The following LSAMP variants were observed in gnomAD, a reference collection of about 807,000 sequenced individuals.
The protein encoded by LSAMP is limbic system associated membrane protein.
In LSAMP, 7 loss-of-function variants were observed where a neutral mutation model predicts 38.6. The observed-to-expected ratio is 0.18, with a 90% CI of 0.10 to 0.34. The LOEUF (loss-of-function observed/expected upper bound fraction) is 0.34, where lower values mean the gene tolerates loss of function less well. LSAMP is among the 10% of genes least tolerant of loss of function. The pLI is 1.00. For synonymous variants in LSAMP, 154 were observed against 166.8 expected, an observed-to-expected ratio of 0.92 and a Z score of 0.59; for missense variants, 313 against 420.0, an observed-to-expected ratio of 0.75 and a Z score of 2.23.
intron 3 of LSAMP, among the ~76,000 whole-genome samples, chr3:115,944,248 T>C (rs916083791): frequency 6.6e-6 from 1 of 152,142 alleles, no homozygotes; most frequent in Non-Finnish European, 1.5e-5. Flanking sequence ...AAGTGAGGTA[T>C]TAGCTCTCAT....
intron 3 of LSAMP, among the ~76,000 whole-genome samples, chr3:115,905,097 CTT>C (rs1357040767): frequency 6.6e-6 from 1 of 152,072 alleles, no homozygotes; most frequent in Non-Finnish European, 1.5e-5. Context: ...ATAAAATGCT[CTT>C]TTGCACAGCT....
intron 3 of LSAMP, among the ~76,000 whole-genome samples, chr3:115,958,772 G>C (rs1044671438): frequency 1.3e-5 from 2 of 152,080 alleles, no homozygotes; most frequent in African/African-American, 4.8e-5. Context: ...TAGATGTAAA[G>C]GCTGTTTTTC....
At chr3:116,106,046 G>T (rs1708459404) in intron 1 of LSAMP, among the ~76,000 whole-genome samples, 1 of 152,058 alleles carries the variant, frequency 6.6e-6, no homozygotes, top group African/African-American at 2.4e-5. Flanking sequence ...TGATGGCCTG[G>T]ATACGGTTTT....
chr3:115,987,076 G>A (rs1939529843), intron 3 of LSAMP, among the ~76,000 whole-genome samples: 2 of 152,170 alleles, frequency 1.3e-5, no homozygotes, highest in African/African-American at 2.4e-5. Context: ...GAAGGGGACA[G>A]TATGCTATGT....
chr3:115,881,775 T>C (rs1374419978), intron 3 of LSAMP, among the ~76,000 whole-genome samples: 1 of 152,130 alleles, frequency 6.6e-6, no homozygotes, highest in Non-Finnish European at 1.5e-5. Context: ...TCAGATTGGG[T>C]CATACCCATC....
At chr3:116,270,512 A>C (rs1270134017) in intron 1 of LSAMP, among the ~76,000 whole-genome samples, 1 of 152,162 alleles carries the variant, frequency 6.6e-6, no homozygotes. Context: ...GGCCATCAGC[A>C]GTAGCCTCGG....
chr3:116,258,020 G>A (rs1054249689), intron 1 of LSAMP, among the ~76,000 whole-genome samples: 1 of 152,136 alleles, frequency 6.6e-6, no homozygotes. Context: ...CAATTATCAG[G>A]TAAAATAGGA....
chr3:116,320,545 T>A (rs1284568938), intron 1 of LSAMP, among the ~76,000 whole-genome samples: 1 of 152,224 alleles, frequency 6.6e-6, no homozygotes, highest in Non-Finnish European at 1.5e-5. Context: ...TAGGGTGTTG[T>A]ACCATATAGC....
intron 3 of LSAMP, among the ~76,000 whole-genome samples, chr3:115,852,940 A>G (rs898036631): frequency 6.6e-6 from 1 of 152,174 alleles, no homozygotes; most frequent in African/African-American, 2.4e-5. Context: ...GCCTGAGGAC[A>G]GCTCATGTCC....
intron 6 of LSAMP, among the ~76,000 whole-genome samples, chr3:115,822,608 C>T (rs888966531): frequency 2.0e-5 from 3 of 152,164 alleles, no homozygotes; most frequent in African/African-American, 7.2e-5. Context: ...GATCTGCCCG[C>T]CTTGGCCTCC....
chr3:116,313,760 C>A (rs2047589754), intron 1 of LSAMP, among the ~76,000 whole-genome samples: 1 of 152,182 alleles, frequency 6.6e-6, no homozygotes, highest in African/African-American at 2.4e-5. Context: ...TTGAGACCAG[C>A]CTGGCCAGCA....
intron 3 of LSAMP, among the ~76,000 whole-genome samples, chr3:115,911,835 C>T (rs1194754936): frequency 6.6e-6 from 1 of 152,200 alleles, no homozygotes; most frequent in Non-Finnish European, 1.5e-5. Context: ...TCACATCCTT[C>T]TCATCATTTG....
chr3:116,225,061 G>A (rs990970903), intron 1 of LSAMP, among the ~76,000 whole-genome samples: 2 of 152,140 alleles, frequency 1.3e-5, no homozygotes, highest in African/African-American at 4.8e-5. Flanking sequence ...CAGATATGAA[G>A]GGACATTTGA....
At position 116,109,094 on chromosome 3, in the gene LSAMP, A is replaced by T. The variant is rs1281668424; in HGVS notation, c.156-22538T>A. On this transcript the variant is annotated intron_variant, in intron 1 of 6. Coordinates refer to ENST00000490035, the MANE Select transcript of LSAMP (RefSeq NM_002338.5). Reference sequence around the variant, plus strand: ...GTAAAGCATCTCAGGGTTGCTGCCAAACGAGTCATGAACTGGGCTGGGTTT... The same window carrying T: ...GTAAAGCATCTCAGGGTTGCTGCCATACGAGTCATGAACTGGGCTGGGTTT... Among the ~76,000 whole-genome samples, 6 of 152,292 alleles carry T rather than the reference A, an allele frequency of 3.9e-5. No individual in the cohort carries two copies. The East Asian group carries it at 7.7e-4, about 20-fold the overall frequency.
intron 6 of LSAMP, among the ~76,000 whole-genome samples, chr3:115,824,709 TA>T (rs79375900): frequency 0.021 from 2,675 of 128,530 alleles, 30 homozygotes; most frequent in African/African-American, 0.039. Flanking sequence ...GACTCCGTCT[TA>T]AAAAAAAAAA....
At chr3:116,126,293 A>C (rs1404398105) in intron 1 of LSAMP, among the ~76,000 whole-genome samples, 1 of 152,184 alleles carries the variant, frequency 6.6e-6, no homozygotes, top group Non-Finnish European at 1.5e-5. Context: ...AGTGAAGCTG[A>C]TGAGCGTTGA....
At chr3:116,025,441 A>G (rs1437199069) in intron 2 of LSAMP, among the ~76,000 whole-genome samples, 1 of 152,032 alleles carries the variant, frequency 6.6e-6, no homozygotes, top group Non-Finnish European at 1.5e-5. Flanking sequence ...TGAAGTTTAA[A>G]GCTTCTTTGT....
Position 115,803,950 on chromosome 3 carries a change from A to G in LSAMP, c.*6367T>C, listed in dbSNP as rs906501828. 6 of 152,242 alleles carry G rather than the reference A, an allele frequency of 3.9e-5. No individual in the cohort carries two copies. The highest frequency in any genetic ancestry group is 8.8e-5 in the Non-Finnish European group (6 of 68,040). 9.4% of individuals were successfully genotyped at this position (152,242 alleles called of 1,614,324 possible). The stretch of plus-strand genomic sequence containing the variant: ...CACAATGTCCTCATTTGTTACATGC[A>G]TAATACCCAGTCTGGCTATTTTCCT... On this transcript the variant is annotated 3_prime_UTR_variant, in exon 7 of 7. Coordinates refer to ENST00000490035, the MANE Select transcript of LSAMP (RefSeq NM_002338.5).
intron 1 of LSAMP, among the ~76,000 whole-genome samples, chr3:116,297,499 A>AT (rs144287989): frequency 0.037 from 5,630 of 152,142 alleles, 135 homozygotes; most frequent in Middle Eastern, 0.068. Flanking sequence ...ACAAAATGAC[A>AT]TTTTTTCTTG....
Sources: allele counts gnomAD v4.1 joint callset (sites outside exome capture counted in the v4.1 genomes callset), GRCh38; gene constraint gnomAD v4.1.1; transcripts MANE v1.5; gene names NCBI Gene and HGNC (gene_info 2026-07-23, HGNC 2026-07-21).